The following GBP7 variants were observed in gnomAD, a reference collection of about 807,000 sequenced individuals.
The protein encoded by GBP7 is guanylate-binding protein 7.
A neutral mutation model predicts 61.3 loss-of-function variants in GBP7; 43 were observed. The observed-to-expected ratio is 0.70, with a 90% CI of 0.55 to 0.91. The LOEUF (loss-of-function observed/expected upper bound fraction) is 0.91. Ranked by LOEUF, GBP7 falls within the 40% of genes least tolerant of loss-of-function variation. The probability of loss-of-function intolerance (pLI) is 0.00; values close to 1 mark genes in which losing one functional copy is unlikely to be tolerated. For missense variants in GBP7, 717 were observed against 740.5 expected (o/e 0.97, Z 0.37); for synonymous variants, 267 against 271.0 (o/e 0.99, Z 0.14).
chr1:89,172,866 A>G (rs1647644104), intron 1 of GBP7, among the ~76,000 whole-genome samples: 1 of 151,572 alleles, frequency 6.6e-6, no homozygotes, highest in African/African-American at 2.4e-5. Flanking sequence ...TATTAACTGG[A>G]GTTCTACCGT....
intron 3 of GBP7, among the ~76,000 whole-genome samples, chr1:89,159,491 C>A (rs1682387012): frequency 1.3e-5 from 2 of 152,012 alleles, no homozygotes; most frequent in Non-Finnish European, 2.9e-5. Context: ...CCAGTATATA[C>A]AAAGAACTTA....
At position 89,133,470 on chromosome 1, in the gene GBP7, A is replaced by G; in HGVS notation, c.1469-19T>C. The G allele has an allele frequency of 6.2e-7, 1 of 1,609,402 alleles. No individual in the cohort carries two copies. Among genetic ancestry groups the G allele is most frequent in the Admixed American group, 1.7e-5 (1 of 59,616 alleles). On this transcript the variant is annotated intron_variant, in intron 9 of 10. Coordinates refer to ENST00000294671, the MANE Select transcript of GBP7 (RefSeq NM_207398.3). ...TGCTTAGCTGTTCCACCGAGGTTTT[A>G]CAGAGGGAAGAAAATAACAGTCAGG...
intron 8 of GBP7, among the ~76,000 whole-genome samples, chr1:89,146,092 G>T (rs765170162): frequency 1.3e-5 from 2 of 152,082 alleles, no homozygotes; most frequent in Non-Finnish European, 2.9e-5. Flanking sequence ...GTGTAATGCT[G>T]GCATAAAGAG....
At chr1:89,169,739 A>G (rs1647546827) in intron 2 of GBP7, among the ~76,000 whole-genome samples, 1 of 152,184 alleles carries the variant, frequency 6.6e-6, no homozygotes, top group Non-Finnish European at 1.5e-5. Context: ...AGTTCACCAA[A>G]CCACTCAATG....
chr1:89,136,432 A>G (rs1681802585), intron 9 of GBP7, among the ~76,000 whole-genome samples: 1 of 151,482 alleles, frequency 6.6e-6, no homozygotes, highest in Admixed American at 6.6e-5. Flanking sequence ...TTCTCAACAA[A>G]TAAAAAAAAA....
rs530717609 is a variant in GBP7, at chr1:89,163,951, C to T, written c.318+780G>A. ...GTGGCATGATCTCGGTTCAGTGCAA[C>T]CTCCACTTCCCGGGTCCAAGCGATA... On this transcript the variant is annotated intron_variant, in intron 3 of 10. Transcript: ENST00000294671. Among the ~76,000 whole-genome samples the T allele has an allele frequency of 2.6e-5, 4 of 151,930 alleles. No homozygotes were observed. The East Asian group carries it at 5.8e-4, about 22-fold the overall frequency.
Position 89,147,605 on chromosome 1 carries a change from C to T in GBP7, c.1327G>A (p.Glu443Lys), listed in dbSNP as rs759762978. The T allele has an allele frequency of 3.7e-6, 6 of 1,613,960 alleles. No homozygotes were observed. In the African/African-American group the frequency reaches 8.0e-5, roughly 22 times the overall value. Residue 443 changes from glutamate to lysine, a missense_variant, in exon 8 of 11, where the codon GAA becomes AAA. Around this residue, in one of 3 missense-constraint regions of GBP7, gnomAD observed 312 missense variants for 310.1 expected, o/e 1.01. Transcript: ENST00000294671. ...NIYLEAKKKI[E>K]QDYTLVPRKG... ...CTGGGCACTAGTGTATAGTCCTGTT[C>T]AATCTTCTTTTTTGCTTCTAAGTAG...
chr1:89,174,306 A>G (rs531875109), intron 1 of GBP7, among the ~76,000 whole-genome samples: 6 of 152,324 alleles, frequency 3.9e-5, no homozygotes, highest in Admixed American at 3.3e-4. Context: ...ATGAGAGTAT[A>G]TAATTTTGTA....
intron 2 of GBP7, among the ~76,000 whole-genome samples, chr1:89,170,565 T>G (rs1647570353): frequency 6.6e-6 from 1 of 152,168 alleles, no homozygotes; most frequent in East Asian, 1.9e-4. Context: ...CCAAATCAAG[T>G]GCATCCAAGC....
In GBP7 at chr1:89,152,292, C is replaced by T. The variant is rs767180579; in HGVS notation, c.601G>A (p.Glu201Lys). The T allele has an allele frequency of 2.5e-6, 4 of 1,613,930 alleles. No homozygotes were observed. In the African/African-American group the frequency reaches 5.3e-5, roughly 22 times the overall value. Residue 201 changes from glutamate to lysine, a missense_variant, in exon 5 of 11, where the codon GAG becomes AAG. By Grantham distance (56) the Glu-to-Lys change is moderately conservative. This residue lies in a region of GBP7 where 387 missense variants were observed against 385.2 expected (regional missense o/e 1.00). Coordinates refer to ENST00000294671, the MANE Select transcript of GBP7 (RefSeq NM_207398.3). ...GHPITEDEYL[E>K]NALKLISGKN... ...CCTGAAATCAGCTTCAAGGCATTCT[C>T]CAGGTACTCATCTTCTGTGATGGGG...
At chr1:89,158,171 T>C (rs1253287273) in intron 3 of GBP7, among the ~76,000 whole-genome samples, 3 of 152,210 alleles carry the variant, frequency 2.0e-5, no homozygotes, top group Non-Finnish European at 4.4e-5. Context: ...CCCTTCATGC[T>C]TAAAACTCTA....
In GBP7 at chr1:89,169,533, T is replaced by C. The variant is rs183210694; in HGVS notation, c.190+2213A>G. On this transcript the variant is annotated intron_variant, in intron 2 of 10. Transcript: ENST00000294671. ...ATTAGATTGCAGCCCTATGCATTAC[T>C]TTTGAGTTTATTATTATTTATCTAC... Among the ~76,000 whole-genome samples the C allele has an allele frequency of 1.1e-4, 17 of 152,364 alleles. No individual in the cohort carries two copies. In the East Asian group the frequency reaches 2.7e-3, roughly 24 times the overall value.
At chr1:89,162,755 C>G (rs1647311394) in intron 3 of GBP7, among the ~76,000 whole-genome samples, 1 of 152,190 alleles carries the variant, frequency 6.6e-6, no homozygotes, top group Admixed American at 6.5e-5. Flanking sequence ...CCCTTTATTG[C>G]TTTCTCTTGC....
Position 89,152,702 on chromosome 1 carries a change from C to T in GBP7, c.394G>A (p.Gly132Ser). The change falls in exon 4 of 11, where the codon GGC (glycine) becomes AGC (serine). Residue 132 changes from glycine to serine, a missense_variant. Coordinates refer to ENST00000294671, the MANE Select transcript of GBP7 (RefSeq NM_207398.3). ...TCCAGGGCCTGGTGGTTGATGGTGC[C>T]CATGCTGTTGTAGACAAAGCTGCTG... ...LSSSFVYNSM[G>S]TINHQALEQL... is the part of the protein sequence containing the mutation. The T allele has an allele frequency of 3.1e-6, 5 of 1,613,144 alleles. No individual in the cohort carries two copies. Among genetic ancestry groups the T allele is most frequent in the Non-Finnish European group, 4.2e-6 (5 of 1,179,972 alleles).
chr1:89,166,053 G>A (rs1274384524), intron 2 of GBP7, among the ~76,000 whole-genome samples: 1 of 152,068 alleles, frequency 6.6e-6, no homozygotes, highest in Non-Finnish European at 1.5e-5. Flanking sequence ...CCAACCTCCA[G>A]ATCTACGAGA....
At chr1:89,169,161 T>C (rs943126952) in intron 2 of GBP7, among the ~76,000 whole-genome samples, 2 of 152,240 alleles carry the variant, frequency 1.3e-5, no homozygotes, top group African/African-American at 4.8e-5. Context: ...CTGTCCTTTT[T>C]ACAAACAAGT....
intron 8 of GBP7, among the ~76,000 whole-genome samples, chr1:89,143,050 A>G (rs1681989183): frequency 6.6e-6 from 1 of 152,164 alleles, no homozygotes; most frequent in Non-Finnish European, 1.5e-5. Flanking sequence ...TATATCTAGG[A>G]ATGGATTTGC....
chr1:89,152,611 C>G (rs759376300), intron 4 of GBP7, 57 bp downstream of exon 4: 27 of 1,542,878 alleles, frequency 1.7e-5, no homozygotes, highest in Non-Finnish European at 1.9e-5. Context: ...GACACAGTAT[C>G]AGTTTCCATT....
At chr1:89,153,755 T>C (rs1468185617) in intron 3 of GBP7, among the ~76,000 whole-genome samples, 1 of 151,682 alleles carries the variant, frequency 6.6e-6, no homozygotes, top group Non-Finnish European at 1.5e-5. Flanking sequence ...ATCCAAAAAA[T>C]GGGAAGTGAG....
Sources: allele counts gnomAD v4.1 joint callset (sites outside exome capture counted in the v4.1 genomes callset), GRCh38; gene constraint gnomAD v4.1.1; regional missense constraint gnomAD v4.1.1; transcripts MANE v1.5; gene names NCBI Gene and HGNC (gene_info 2026-07-23, HGNC 2026-07-21).